GRIK2: variants seen among roughly 807,000 people sequenced by gnomAD.
GRIK2 encodes the protein glutamate ionotropic receptor kainate type subunit 2, also known as glutamate receptor ionotropic, kainate 2.
GRIK2 carries 32 observed loss-of-function variants against 100.3 expected under a neutral mutation model. The observed-to-expected ratio is 0.32, with a 90% CI of 0.24 to 0.43. GRIK2 has a LOEUF of 0.43. Among genes scored for constraint, GRIK2 ranks in the 20% least tolerant of loss-of-function variants. GRIK2 has a pLI of 1.00. For synonymous variants in GRIK2, 417 were observed against 389.4 expected, an observed-to-expected ratio of 1.07 and a Z score of -0.83; for missense variants, 843 against 1,114.9, an observed-to-expected ratio of 0.76 and a Z score of 3.47.
At chr6:101,829,842 T>C (rs1002211976) in intron 10 of GRIK2, among the ~76,000 whole-genome samples, 1 of 152,052 alleles carries the variant, frequency 6.6e-6, no homozygotes, top group Non-Finnish European at 1.5e-5. Context: ...ATATTGTCCA[T>C]ACTGCCCAAA....
chr6:101,715,487 T>C (rs1438274965), intron 7 of GRIK2, among the ~76,000 whole-genome samples: 1 of 151,600 alleles, frequency 6.6e-6, no homozygotes, highest in Non-Finnish European at 1.5e-5. Context: ...TCCAAAGTCA[T>C]GGGGACACAT....
chr6:101,930,635 A>G (rs1323399026), intron 14 of GRIK2, among the ~76,000 whole-genome samples: 1 of 152,016 alleles, frequency 6.6e-6, no homozygotes, highest in African/African-American at 2.4e-5. Context: ...CTAGTAGCAA[A>G]GTTCATTTTT....
intron 2 of GRIK2, among the ~76,000 whole-genome samples, chr6:101,467,500 T>C (rs1333803761): frequency 6.6e-6 from 1 of 152,170 alleles, no homozygotes; most frequent in African/African-American, 2.4e-5. Flanking sequence ...CTGGTAAAAA[T>C]GCACAATGAT....
intron 7 of GRIK2, among the ~76,000 whole-genome samples, chr6:101,759,524 G>A (rs1023377942): frequency 6.6e-6 from 1 of 152,070 alleles, no homozygotes; most frequent in Non-Finnish European, 1.5e-5. Context: ...AGATATTATT[G>A]CACCTACTTT....
intron 7 of GRIK2, among the ~76,000 whole-genome samples, chr6:101,755,292 G>C (rs1777067485): frequency 6.8e-6 from 1 of 147,204 alleles, no homozygotes; most frequent in Non-Finnish European, 1.5e-5. Flanking sequence ...TCAGCCTCCC[G>C]AGTGGCTGGG....
chr6:101,896,680 G>A (rs369210188), intron 12 of GRIK2, among the ~76,000 whole-genome samples: 1 of 151,482 alleles, frequency 6.6e-6, no homozygotes, highest in Non-Finnish European at 1.5e-5. Flanking sequence ...CACCAGAATT[G>A]AGTGGAAAGA....
At chr6:101,777,619 A>G (rs1778831324) in intron 7 of GRIK2, among the ~76,000 whole-genome samples, 1 of 152,144 alleles carries the variant, frequency 6.6e-6, no homozygotes, top group African/African-American at 2.4e-5. Flanking sequence ...TTCTTTAGTA[A>G]AAAGGTCAAG....
chr6:101,911,574 T>C (rs1357909641), intron 12 of GRIK2, among the ~76,000 whole-genome samples: 1 of 151,460 alleles, frequency 6.6e-6, no homozygotes, highest in Non-Finnish European at 1.5e-5. Flanking sequence ...GATTTATTTT[T>C]AATCAACTAT....
intron 2 of GRIK2, among the ~76,000 whole-genome samples, chr6:101,435,394 T>C (rs902914849): frequency 6.6e-6 from 1 of 152,054 alleles, no homozygotes; most frequent in Non-Finnish European, 1.5e-5. Flanking sequence ...TGATTTTTTT[T>C]TTTTTTTTTG....
At chr6:101,440,603 G>A (rs1769990362) in intron 2 of GRIK2, among the ~76,000 whole-genome samples, 1 of 152,154 alleles carries the variant, frequency 6.6e-6, no homozygotes, top group African/African-American at 2.4e-5. Context: ...CTTTCTGTCT[G>A]TGTGATAGAA....
chr6:101,688,021 C>T (rs1430314322), intron 7 of GRIK2, among the ~76,000 whole-genome samples: 1 of 146,788 alleles, frequency 6.8e-6, no homozygotes, highest in Non-Finnish European at 1.5e-5. Flanking sequence ...GTATGCTATC[C>T]TTTAAATTGT....
At chr6:101,478,955 A>G (rs1772393090) in intron 2 of GRIK2, among the ~76,000 whole-genome samples, 3 of 152,184 alleles carry the variant, frequency 2.0e-5, no homozygotes, top group Non-Finnish European at 4.4e-5. Context: ...TTATTGAAAT[A>G]GATTTTCATG....
intron 11 of GRIK2, among the ~76,000 whole-genome samples, chr6:101,875,654 T>A (rs773673927): frequency 6.6e-6 from 1 of 151,902 alleles, no homozygotes; most frequent in South Asian, 2.1e-4. Flanking sequence ...ATGAGTTTTC[T>A]TTTGACTCAT....
intron 1 of GRIK2, among the ~76,000 whole-genome samples, chr6:101,396,240 A>AT (rs141053197): frequency 0.059 from 7,928 of 133,698 alleles, 250 homozygotes; most frequent in East Asian, 0.14. Flanking sequence ...TAAATTTAGC[A>AT]TTCCCCCCCC....
At chr6:101,738,402 A>G (rs994602894) in intron 7 of GRIK2, among the ~76,000 whole-genome samples, 1 of 152,182 alleles carries the variant, frequency 6.6e-6, no homozygotes, top group African/African-American at 2.4e-5. Flanking sequence ...ATTCTTAAGT[A>G]GTTGATATTA....
chr6:101,598,042 A>C (rs535965802), intron 2 of GRIK2, among the ~76,000 whole-genome samples: 1 of 151,916 alleles, frequency 6.6e-6, no homozygotes, highest in East Asian at 1.9e-4. Flanking sequence ...CAGTTATGAC[A>C]GAATGTACTG....
At chr6:101,870,893 G>A (rs1047879110) in intron 11 of GRIK2, among the ~76,000 whole-genome samples, 6 of 151,918 alleles carry the variant, frequency 3.9e-5, no homozygotes, top group South Asian at 2.1e-4. Flanking sequence ...TATATTGGAC[G>A]ATGAGATAAT....
At chr6:101,958,594 G>T (rs1582616888) in intron 14 of GRIK2, among the ~76,000 whole-genome samples, 1 of 151,996 alleles carries the variant, frequency 6.6e-6, no homozygotes, top group East Asian at 1.9e-4. Flanking sequence ...GTGCATCCTT[G>T]TCTTGTTCCA....
chr6:102,031,526 C>T (rs892202243), intron 14 of GRIK2, among the ~76,000 whole-genome samples: 2 of 150,964 alleles, frequency 1.3e-5, no homozygotes, highest in Non-Finnish European at 1.5e-5. Flanking sequence ...TACATGGGTA[C>T]ATTATGTGAT....
Sources: allele counts gnomAD v4.1 joint callset (sites outside exome capture counted in the v4.1 genomes callset), GRCh38; gene constraint gnomAD v4.1.1; transcripts MANE v1.5; gene names NCBI Gene and HGNC (gene_info 2026-07-23, HGNC 2026-07-21).